The following CD99L2 variants were observed in gnomAD, a reference collection of about 807,000 sequenced individuals.
The protein encoded by CD99L2 is CD99 molecule like 2.
CD99L2 carries 24 observed loss-of-function variants against 27.3 expected under a neutral mutation model. The ratio of observed to expected loss-of-function variants is 0.88; its 90% CI spans 0.64 to 1.24. The LOEUF (loss-of-function observed/expected upper bound fraction) is 1.24. Ranked by LOEUF, CD99L2 falls within the 50% of genes most tolerant of loss-of-function variation. CD99L2 has a pLI of 0.00. For missense variants in CD99L2, 255 were observed against 221.6 expected (o/e 1.15, Z -0.96); for synonymous variants, 97 against 87.9 (o/e 1.10, Z -0.58).
At chrX:150,782,228 T>TAAA (rs1257293733) in intron 7 of CD99L2, among the ~76,000 whole-genome samples, 1 of 112,231 alleles carries the variant, frequency 8.9e-6, no homozygotes, top group Non-Finnish European at 1.9e-5. Context: ...AAGTGCAAAA[T>TAAA]AAAAACAACT....
intron 9 of CD99L2, among the ~76,000 whole-genome samples, chrX:150,774,500 A>G (rs1557419199): frequency 8.9e-6 from 1 of 111,915 alleles, no homozygotes; most frequent in Non-Finnish European, 1.9e-5. Flanking sequence ...GTGTCCCAGA[A>G]TCCCCATCTC....
intron 1 of CD99L2, among the ~76,000 whole-genome samples, chrX:150,886,306 G>A (rs1557422624): frequency 1.8e-5 from 2 of 112,186 alleles, no homozygotes; most frequent in East Asian, 2.8e-4. Context: ...ATACGATGGT[G>A]GTACCATAAG....
intron 1 of CD99L2, among the ~76,000 whole-genome samples, chrX:150,850,130 A>G (rs2046767282): frequency 1.8e-5 from 2 of 111,645 alleles, no homozygotes; most frequent in Non-Finnish European, 3.8e-5. Flanking sequence ...AAAACAAAAA[A>G]CTAGAAATGA....
chrX:150,858,245 G>A (rs2046923154), intron 1 of CD99L2, among the ~76,000 whole-genome samples: 1 of 112,392 alleles, frequency 8.9e-6, no homozygotes, highest in Admixed American at 9.4e-5. Flanking sequence ...GACAGACAGA[G>A]AGAGACTCAA....
intron 1 of CD99L2, among the ~76,000 whole-genome samples, chrX:150,880,580 C>A (rs2047310280): frequency 9.0e-6 from 1 of 111,428 alleles, no homozygotes; most frequent in Admixed American, 9.5e-5. Context: ...TAAGGGGTTT[C>A]TTTTTAGGGT....
chrX:150,884,391 T>C (rs1266711285), intron 1 of CD99L2, among the ~76,000 whole-genome samples: 1 of 111,670 alleles, frequency 9.0e-6, no homozygotes, highest in Non-Finnish European at 1.9e-5. Flanking sequence ...AATATATAAG[T>C]AGTTGGGCTG....
At chrX:150,824,032 G>A (rs782778898) in intron 2 of CD99L2, among the ~76,000 whole-genome samples, 83 of 87,497 alleles carry the variant, frequency 9.5e-4, no homozygotes, top group Non-Finnish European at 1.7e-3. Context: ...GGAAGAGGAG[G>A]AGGAGGAGGA....
At chrX:150,887,691 G>A (rs1049946622) in intron 1 of CD99L2, among the ~76,000 whole-genome samples, 1 of 110,658 alleles carries the variant, frequency 9.0e-6, no homozygotes, top group Non-Finnish European at 1.9e-5. Flanking sequence ...ATCACTTGGA[G>A]CCCACAGAAC....
chrX:150,779,336 T>C (rs1327662529), intron 7 of CD99L2, among the ~76,000 whole-genome samples: 1 of 112,181 alleles, frequency 8.9e-6, no homozygotes, highest in African/African-American at 3.3e-5. Context: ...GGTCCTGTCC[T>C]AAAAAGATGA....
intron 1 of CD99L2, among the ~76,000 whole-genome samples, chrX:150,836,183 T>G (rs1365579861): frequency 9.0e-6 from 1 of 111,436 alleles, no homozygotes; most frequent in Non-Finnish European, 1.9e-5. Context: ...CCATTATGCA[T>G]GCATACTGGA....
chrX:150,879,224 T>C (rs1237053798), intron 1 of CD99L2, among the ~76,000 whole-genome samples: 9 of 110,967 alleles, frequency 8.1e-5, no homozygotes, highest in Non-Finnish European at 1.7e-4. Flanking sequence ...GCAGATGAGG[T>C]AGAAAGGTAG....
In CD99L2 at chrX:150,801,114, AT is replaced by A. The variant is rs1488769691; in HGVS notation, c.278-5629del. On this transcript the variant is annotated intron_variant, in intron 4 of 10. Coordinates refer to ENST00000370377, the MANE Select transcript of CD99L2 (RefSeq NM_031462.4). The stretch of plus-strand genomic sequence containing the variant: ...ATTTACCTGGAGAGTTCTACCAAAC[AT>A]TTAAAAAGGAATTATCACCAATTGT... Among the ~76,000 whole-genome samples, 3 of 111,284 alleles carry A rather than the reference AT, an allele frequency of 2.7e-5. No homozygotes were observed. The East Asian group carries it at 8.4e-4, about 31-fold the overall frequency.
At chrX:150,828,801 A>C (rs1190232822) in intron 2 of CD99L2, 6 of 111,943 alleles carry the variant, frequency 5.4e-5, no homozygotes, top group African/African-American at 1.9e-4. Flanking sequence ...GTGACAGTGC[A>C]TAATGGCAAA....
At chrX:150,841,985 G>A (rs1557421363) in intron 1 of CD99L2, among the ~76,000 whole-genome samples, 1 of 111,624 alleles carries the variant, frequency 9.0e-6, no homozygotes, top group Non-Finnish European at 1.9e-5. Context: ...AGTCCTCTGT[G>A]TTAGTGACAC....
chrX:150,771,223 C>T (rs1445396641), intron 9 of CD99L2, among the ~76,000 whole-genome samples: 2 of 112,709 alleles, frequency 1.8e-5, no homozygotes, highest in Non-Finnish European at 3.8e-5. Context: ...GTCAAGCCAT[C>T]GTCCTGGGCT....
chrX:150,817,646 C>T (rs183517860), intron 2 of CD99L2, among the ~76,000 whole-genome samples: 10 of 111,937 alleles, frequency 8.9e-5, no homozygotes, highest in East Asian at 5.6e-4. Context: ...TTGAATACAG[C>T]GAGTACCCAA....
Position 150,816,047 on chromosome X carries a change from G to C in CD99L2, c.162C>G (p.Thr54=), listed in dbSNP as rs781843247. The C allele has an allele frequency of 8.3e-7, 1 of 1,211,515 alleles. No individual in the cohort carries two copies. The change falls in exon 3 of 11, where the codon ACC becomes ACG. Residue 54 remains threonine (T), a synonymous_variant. Transcript: ENST00000370377. ...QPWDHTTTTT[T]NRPGTTRAPA... ...GAGCTCTGGTGGTTCCTGGCCTATT[G>C]GTTGTGGTGGTGGTGGTGTGGTCCC...
chrX:150,890,308 G>A (rs1057013129), intron 1 of CD99L2, among the ~76,000 whole-genome samples: 3 of 108,652 alleles, frequency 2.8e-5, no homozygotes. Context: ...GTGAAACCCC[G>A]TCTCTACTGA....
intron 7 of CD99L2, among the ~76,000 whole-genome samples, chrX:150,785,420 A>G (rs73624526): frequency 0.2 from 22,601 of 111,189 alleles, 1,666 homozygotes; most frequent in Middle Eastern, 0.29. Flanking sequence ...TTATTTTTGT[A>G]ACACATGTCA....
Sources: allele counts gnomAD v4.1 joint callset (sites outside exome capture counted in the v4.1 genomes callset), GRCh38; gene constraint gnomAD v4.1.1; transcripts MANE v1.5; gene names NCBI Gene and HGNC (gene_info 2026-07-23, HGNC 2026-07-21).